The following ZNF804B variants were observed in gnomAD, a reference collection of about 807,000 sequenced individuals.
The protein encoded by ZNF804B is zinc finger 804B.
In ZNF804B, 80 loss-of-function variants were observed where a neutral mutation model predicts 101.4. The observed-to-expected ratio is 0.79, with a 90% CI of 0.66 to 0.95. The LOEUF is 0.95. Among genes scored for constraint, ZNF804B ranks in the 40% least tolerant of loss-of-function variants. ZNF804B has a pLI of 0.00. For missense variants in ZNF804B, 1,673 were observed against 1,561.9 expected, an observed-to-expected ratio of 1.07 and a Z score of -1.20; for synonymous variants, 622 against 558.8, an observed-to-expected ratio of 1.11 and a Z score of -1.59.
At chr7:88,926,095 T>C (rs1232044172) in intron 1 of ZNF804B, among the ~76,000 whole-genome samples, 2 of 152,092 alleles carry the variant, frequency 1.3e-5, no homozygotes, top group Non-Finnish European at 2.9e-5. Flanking sequence ...AGGCAGCAGA[T>C]TGGAAATACT....
chr7:88,830,748 G>T (rs1179750441), intron 1 of ZNF804B, among the ~76,000 whole-genome samples: 5 of 151,766 alleles, frequency 3.3e-5, no homozygotes, highest in Non-Finnish European at 7.4e-5. Flanking sequence ...TTTTGTGTGG[G>T]TGCATATGTG....
intron 1 of ZNF804B, among the ~76,000 whole-genome samples, chr7:88,936,622 G>T (rs2116033435): frequency 6.6e-6 from 1 of 152,208 alleles, no homozygotes; most frequent in African/African-American, 2.4e-5. Flanking sequence ...AAGAGACAAT[G>T]TCTTGTGACA....
intron 1 of ZNF804B, among the ~76,000 whole-genome samples, chr7:89,045,022 G>T (rs1350329649): frequency 6.6e-6 from 1 of 152,182 alleles, no homozygotes; most frequent in South Asian, 2.1e-4. Context: ...GGTTTCCTGT[G>T]CTGGACCTAG....
intron 1 of ZNF804B, among the ~76,000 whole-genome samples, chr7:88,898,333 G>A (rs867412892): frequency 2.0e-5 from 3 of 151,766 alleles, no homozygotes; most frequent in South Asian, 2.1e-4. Flanking sequence ...TGATCCACCC[G>A]CCTCGGCCTC....
At chr7:89,073,627 T>C (rs1359947459) in intron 1 of ZNF804B, among the ~76,000 whole-genome samples, 1 of 152,156 alleles carries the variant, frequency 6.6e-6, no homozygotes, top group African/African-American at 2.4e-5. Flanking sequence ...TATTATTTTG[T>C]TTTATACCAC....
At chr7:88,821,436 C>T (rs1168105313) in intron 1 of ZNF804B, among the ~76,000 whole-genome samples, 1 of 152,070 alleles carries the variant, frequency 6.6e-6, no homozygotes, top group Non-Finnish European at 1.5e-5. Flanking sequence ...TTCATAAAAT[C>T]CCAATATTTC....
At chr7:89,127,137 C>G (rs749913499) in intron 1 of ZNF804B, among the ~76,000 whole-genome samples, 2 of 151,780 alleles carry the variant, frequency 1.3e-5, no homozygotes, top group Non-Finnish European at 2.9e-5. Context: ...GAGATTGTGT[C>G]AAAGAATATG....
At chr7:89,030,944 C>A (rs1003527571) in intron 1 of ZNF804B, among the ~76,000 whole-genome samples, 2 of 151,832 alleles carry the variant, frequency 1.3e-5, no homozygotes, top group African/African-American at 2.4e-5. Flanking sequence ...CTTGGAATGC[C>A]CTTCCTTTGG....
intron 1 of ZNF804B, among the ~76,000 whole-genome samples, chr7:88,915,643 A>G (rs1792621351): frequency 1.3e-5 from 2 of 151,972 alleles, no homozygotes; most frequent in Admixed American, 1.3e-4. Context: ...AGGTTAATAG[A>G]CACTAAATTA....
At chr7:88,780,514 T>C (rs562408993) in intron 1 of ZNF804B, among the ~76,000 whole-genome samples, 1 of 150,856 alleles carries the variant, frequency 6.6e-6, no homozygotes, top group East Asian at 2.0e-4. Flanking sequence ...CTGAGCCTCC[T>C]GAGTAGCTGG....
chr7:89,126,312 G>A (rs1183814695), intron 1 of ZNF804B, among the ~76,000 whole-genome samples: 2 of 151,836 alleles, frequency 1.3e-5, no homozygotes, highest in African/African-American at 4.8e-5. Context: ...CTCTCTTTAG[G>A]AGGAAATTCT....
chr7:88,935,908 T>C (rs1384400516), intron 1 of ZNF804B, among the ~76,000 whole-genome samples: 1 of 151,650 alleles, frequency 6.6e-6, no homozygotes, highest in Non-Finnish European at 1.5e-5. Context: ...TTTTCTTTTC[T>C]CTTCCTTTCC....
At chr7:89,207,171 A>G (rs765415345) in intron 1 of ZNF804B, among the ~76,000 whole-genome samples, 25 of 152,330 alleles carry the variant, frequency 1.6e-4, no homozygotes, top group Non-Finnish European at 7.3e-5. Context: ...ATTTTTGGGT[A>G]TCTTTACAGC....
At chr7:88,942,036 C>G (rs2116047966) in intron 1 of ZNF804B, among the ~76,000 whole-genome samples, 1 of 152,022 alleles carries the variant, frequency 6.6e-6, no homozygotes, top group South Asian at 2.1e-4. Flanking sequence ...TCCGTTTTCT[C>G]TGAAACAGAA....
chr7:88,766,918 A>G (rs1053148033), intron 1 of ZNF804B, among the ~76,000 whole-genome samples: 1 of 152,134 alleles, frequency 6.6e-6, no homozygotes, highest in African/African-American at 2.4e-5. Flanking sequence ...TTCTTTGACA[A>G]TTGGCAATTT....
At chr7:89,018,102 G>C (rs1252688815) in intron 1 of ZNF804B, among the ~76,000 whole-genome samples, 1 of 152,048 alleles carries the variant, frequency 6.6e-6, no homozygotes, top group Non-Finnish European at 1.5e-5. Context: ...CGATATATTA[G>C]AGGACAGGCT....
At chr7:89,060,274 T>G (rs1789359431) in intron 1 of ZNF804B, among the ~76,000 whole-genome samples, 1 of 152,172 alleles carries the variant, frequency 6.6e-6, no homozygotes, top group Non-Finnish European at 1.5e-5. Context: ...AATTCAGATT[T>G]GGTACTGGGA....
intron 2 of ZNF804B, among the ~76,000 whole-genome samples, chr7:89,280,639 A>G (rs1790077543): frequency 6.6e-6 from 1 of 152,230 alleles, no homozygotes; most frequent in African/African-American, 2.4e-5. Flanking sequence ...CTATGCAAAT[A>G]AACTAGAAAA....
intron 1 of ZNF804B, among the ~76,000 whole-genome samples, chr7:88,945,874 G>A (rs1793120794): frequency 6.6e-6 from 1 of 152,094 alleles, no homozygotes; most frequent in East Asian, 1.9e-4. Flanking sequence ...GTTCACTCAT[G>A]ATTTGGCTCT....
Sources: allele counts gnomAD v4.1 joint callset (sites outside exome capture counted in the v4.1 genomes callset), GRCh38; gene constraint gnomAD v4.1.1; transcripts MANE v1.5; gene names NCBI Gene and HGNC (gene_info 2026-07-23, HGNC 2026-07-21).